Variants in ADAMTS3 observed in about 807,000 individuals in gnomAD.
The protein encoded by ADAMTS3 is A disintegrin and metalloproteinase with thrombospondin motifs 3.
ADAMTS3 carries 73 observed loss-of-function variants against 129.0 expected under a neutral mutation model. The observed-to-expected ratio is 0.57, with a 90% CI of 0.47 to 0.69. ADAMTS3 has a LOEUF of 0.69. ADAMTS3 is among the 30% of genes least tolerant of loss of function. The pLI is 0.00. For missense variants in ADAMTS3, 1,457 were observed against 1,514.5 expected, an observed-to-expected ratio of 0.96 and a Z score of 0.63; for synonymous variants, 477 against 510.8, an observed-to-expected ratio of 0.93 and a Z score of 0.89.
At chr4:72,405,139 G>A (rs571666821) in intron 4 of ADAMTS3, among the ~76,000 whole-genome samples, 2 of 152,160 alleles carry the variant, frequency 1.3e-5, no homozygotes, top group East Asian at 3.9e-4. Flanking sequence ...TGAGGCTCCT[G>A]AGAATATTAA....
chr4:72,449,581 T>C (rs1015256455), intron 3 of ADAMTS3, among the ~76,000 whole-genome samples: 18 of 151,796 alleles, frequency 1.2e-4, no homozygotes, highest in Non-Finnish European at 2.1e-4. Flanking sequence ...AAGAGCCTCC[T>C]AGACAGACTC....
intron 3 of ADAMTS3, 63 bp from the exon 4 acceptor site, chr4:72,415,034 C>G (rs1722270623): frequency 8.5e-7 from 1 of 1,181,584 alleles, no homozygotes; most frequent in East Asian, 2.8e-5. Flanking sequence ...AGCTCACAAG[C>G]ACATCTTTTT....
intron 3 of ADAMTS3, among the ~76,000 whole-genome samples, chr4:72,468,953 T>C (rs7436538): frequency 0.67 from 102,205 of 151,904 alleles, 34,920 homozygotes; most frequent in South Asian, 0.8. Flanking sequence ...GCATCTTTCT[T>C]ACCAAGAATA....
intron 3 of ADAMTS3, among the ~76,000 whole-genome samples, chr4:72,423,453 G>A (rs1000427385): frequency 4.6e-5 from 7 of 151,986 alleles, no homozygotes; most frequent in African/African-American, 1.2e-4. Context: ...GTGAATCACC[G>A]TTTCACTGTT....
chr4:72,285,262 C>T (rs1201953451), intron 21 of ADAMTS3, among the ~76,000 whole-genome samples: 1 of 152,132 alleles, frequency 6.6e-6, no homozygotes, highest in African/African-American at 2.4e-5. Flanking sequence ...ATGTGCAGGT[C>T]TATTATATGG....
At chr4:72,442,716 G>T (rs1322990444) in intron 3 of ADAMTS3, among the ~76,000 whole-genome samples, 2 of 151,844 alleles carry the variant, frequency 1.3e-5, no homozygotes. Context: ...TGCCCAGAGG[G>T]ATTGCTCCGA....
chr4:72,495,013 G>A lies in ADAMTS3; in HGVS notation c.504+53465C>T, dbSNP rs576310537. ...CTCATGGGGGAAGTCATGACCAAGG[G>A]AATCCCTTTTAGCACCAGGTCTGAC... On this transcript the variant is annotated intron_variant, in intron 3 of 21. Coordinates refer to ENST00000286657, the MANE Select transcript of ADAMTS3 (RefSeq NM_014243.3). Among the ~76,000 whole-genome samples, 196 of 152,264 alleles carry A rather than the reference G, an allele frequency of 1.3e-3. 1 individual carries two copies. The highest frequency in any genetic ancestry group is 4.5e-3 in the African/African-American group (185 of 41,562).
chr4:72,524,340 G>T (rs936427576), intron 3 of ADAMTS3, among the ~76,000 whole-genome samples: 1 of 152,048 alleles, frequency 6.6e-6, no homozygotes, highest in Non-Finnish European at 1.5e-5. Flanking sequence ...AACAACACTA[G>T]ATATTTTCTA....
intron 5 of ADAMTS3, among the ~76,000 whole-genome samples, chr4:72,334,638 T>C (rs1435437304): frequency 6.6e-6 from 1 of 152,122 alleles, no homozygotes; most frequent in Non-Finnish European, 1.5e-5. Flanking sequence ...ATACCTAAAA[T>C]AGGCCTTGCA....
chr4:72,309,880 T>C lies in ADAMTS3; in HGVS notation c.2056-360A>G, dbSNP rs1271442451. 2.6e-5 allele frequency among the ~76,000 whole-genome samples: 4 copies of C among 152,082 alleles called. No homozygotes were observed. In the East Asian group the frequency reaches 5.8e-4, roughly 22 times the overall value. ...CTTGCTGCTCTCACATTTATGATGA[T>C]GGATAATATAGTGAGTTGTATATTA... On this transcript the variant is annotated intron_variant, in intron 14 of 21. Coordinates refer to ENST00000286657, the MANE Select transcript of ADAMTS3 (RefSeq NM_014243.3).
At chr4:72,447,159 T>C (rs1269406126) in intron 3 of ADAMTS3, among the ~76,000 whole-genome samples, 2 of 151,722 alleles carry the variant, frequency 1.3e-5, no homozygotes, top group African/African-American at 2.4e-5. Context: ...AGATTGCAGA[T>C]TATACAAGGG....
intron 2 of ADAMTS3, among the ~76,000 whole-genome samples, chr4:72,560,868 A>C (rs548170877): frequency 6.6e-6 from 1 of 152,186 alleles, no homozygotes; most frequent in Admixed American, 6.5e-5. Context: ...TTTTTCTAAA[A>C]TGTAGTATTA....
rs937070778 is a variant in ADAMTS3 at position 72,281,780 on chromosome 4, T to C, written c.*1356A>G. On this transcript the variant is annotated 3_prime_UTR_variant, in exon 22 of 22. Transcript: ENST00000286657. ...GTTTACCAAAATATGTAATTGATAT[T>C]AGTGTAAATATTTAGTACATAAAAA... The C allele has an allele frequency of 6.6e-6, 1 of 150,702 alleles. No individual in the cohort carries two copies. 9.3% of individuals were successfully genotyped at this position (150,702 alleles called of 1,614,324 possible).
chr4:72,553,050 A>C (rs1721682509), intron 2 of ADAMTS3, among the ~76,000 whole-genome samples: 1 of 34,908 alleles, frequency 2.9e-5, no homozygotes, highest in African/African-American at 1.2e-4. Context: ...TGAAGAAATG[A>C]AGAAATGCGT....
chr4:72,439,448 T>A (rs1718053483), intron 3 of ADAMTS3, among the ~76,000 whole-genome samples: 1 of 151,726 alleles, frequency 6.6e-6, no homozygotes, highest in Non-Finnish European at 1.5e-5. Flanking sequence ...AAGGCCTTAG[T>A]CAAATAATAG....
At chr4:72,548,433 C>T in intron 3 of ADAMTS3, 45 bp downstream of exon 3, 1 of 1,582,500 alleles carries the variant, frequency 6.3e-7, no homozygotes, top group South Asian at 1.2e-5. Flanking sequence ...CATGGCTGCA[C>T]TCCCAGCACC....
chr4:72,336,031 G>A (rs1719980144), intron 5 of ADAMTS3, among the ~76,000 whole-genome samples: 2 of 152,150 alleles, frequency 1.3e-5, no homozygotes, highest in South Asian at 2.1e-4. Context: ...ATACTCTGAA[G>A]CAAATTACTT....
intron 4 of ADAMTS3, among the ~76,000 whole-genome samples, chr4:72,402,856 G>T (rs1199144335): frequency 3.9e-5 from 6 of 152,094 alleles, no homozygotes; most frequent in Non-Finnish European, 5.9e-5. Flanking sequence ...GGTCTGGGAG[G>T]TGGTGTGGGG....
chr4:72,387,861 A>G (rs1721487327), intron 4 of ADAMTS3, among the ~76,000 whole-genome samples: 1 of 146,180 alleles, frequency 6.8e-6, no homozygotes, highest in Admixed American at 7.1e-5. Flanking sequence ...TATGTAATTA[A>G]CAAAAGACAA....
Sources: gnomAD v4.1 joint callset for allele counts (sites outside exome capture counted in the v4.1 genomes callset) on GRCh38, gnomAD v4.1.1 for gene constraint, MANE v1.5 for transcripts, NCBI Gene and HGNC (gene_info 2026-07-23, HGNC 2026-07-21) for gene names.